Variants in KLF17 observed in about 807,000 individuals in gnomAD.
KLF17 encodes Krueppel-like factor 17.
Under a neutral mutation model 34.2 loss-of-function variants are expected in KLF17, and 31 were observed. The ratio of observed to expected loss-of-function variants is 0.91; its 90% CI spans 0.68 to 1.22. The LOEUF (loss-of-function observed/expected upper bound fraction) is 1.22. Among genes scored for constraint, KLF17 ranks in the 50% most tolerant of loss-of-function variants. The pLI is 0.00. For synonymous variants in KLF17, 179 were observed against 186.7 expected (o/e 0.96, Z 0.34); for missense variants, 478 against 505.2 (o/e 0.95, Z 0.52).
chr1:44,059,036 G>C, the KLF17 span, among the ~76,000 whole-genome samples: 1 of 152,250 alleles, frequency 6.6e-6, no homozygotes. Flanking sequence ...AGGTGTTGTT[G>C]AGTACACCTA....
chr1:44,122,116 A>C, intron 1 of KLF17: 2 of 1,284,144 alleles, frequency 1.6e-6, no homozygotes, highest in Non-Finnish European at 2.2e-6. Context: ...AATATCCCAA[A>C]TCCCGTATGA....
chr1:44,067,552 G>A, the KLF17 span, among the ~76,000 whole-genome samples: 1 of 152,214 alleles, frequency 6.6e-6, no homozygotes, highest in Non-Finnish European at 1.5e-5. Context: ...AAGCAAGTGT[G>A]TGGATACTGT....
At chr1:44,116,323 A>G (rs1339146004), upstream of KLF17, among the ~76,000 whole-genome samples, 3 of 152,138 alleles carry the variant, frequency 2.0e-5, no homozygotes, top group African/African-American at 7.2e-5. Context: ...CCCACTTGTT[A>G]TGATAGAGCA....
upstream of KLF17, among the ~76,000 whole-genome samples, chr1:44,118,221 G>A (rs1437769336): frequency 1.3e-5 from 2 of 152,182 alleles, no homozygotes; most frequent in Non-Finnish European, 2.9e-5. Flanking sequence ...TCCCGTATAA[G>A]ATGGAAATTG....
upstream of KLF17, chr1:44,115,537 T>G (rs1199434024): frequency 6.6e-6 from 1 of 151,864 alleles, no homozygotes; most frequent in African/African-American, 2.4e-5. Flanking sequence ...AACATTTTTG[T>G]TTGTTAAGTG....
upstream of KLF17, chr1:44,115,630 T>A (rs2087873274): frequency 6.6e-6 from 1 of 152,176 alleles, no homozygotes; most frequent in South Asian, 2.1e-4. Flanking sequence ...TCCTTTATAC[T>A]TGTTAATGGT....
chr1:44,053,460 G>T, the KLF17 span, among the ~76,000 whole-genome samples: 151 of 152,008 alleles, frequency 9.9e-4, 2 homozygotes, highest in East Asian at 0.02. Context: ...CCTAGTTCTG[G>T]GGGGGGAGGA....
the KLF17 span, among the ~76,000 whole-genome samples, chr1:44,097,072 G>C: frequency 6.6e-6 from 1 of 152,114 alleles, no homozygotes; most frequent in African/African-American, 2.4e-5. Context: ...TAACACCATT[G>C]ATTAAATAGG....
the KLF17 span, among the ~76,000 whole-genome samples, chr1:44,046,834 G>C: frequency 6.6e-6 from 1 of 152,066 alleles, no homozygotes; most frequent in African/African-American, 2.4e-5. Flanking sequence ...ACCAGCCTGG[G>C]CAATATGGTG....
chr1:44,129,277 TGG>T, intron 1 of KLF17, 74 bp from the exon 2 acceptor site: 1 of 1,456,446 alleles, frequency 6.9e-7, no homozygotes, highest in Non-Finnish European at 9.2e-7. Context: ...TGGATTAGGA[TGG>T]GGTCTGGGGA....
At chr1:44,087,641 T>C in the KLF17 span, among the ~76,000 whole-genome samples, 1 of 149,006 alleles carries the variant, frequency 6.7e-6, no homozygotes, top group African/African-American at 2.5e-5. Context: ...GTGAGGCTTG[T>C]GACATCTGCC....
chr1:44,083,677 C>T, the KLF17 span, among the ~76,000 whole-genome samples: 2 of 151,712 alleles, frequency 1.3e-5, no homozygotes, highest in African/African-American at 2.4e-5. Context: ...GCCTGTAGTT[C>T]CAGCCACTTG....
the KLF17 span, chr1:44,104,128 CT>C: frequency 9.6e-7 from 1 of 1,037,044 alleles, no homozygotes. Context: ...TCAGTCAGCC[CT>C]TCCAGGCCAG....
At position 44,121,399 on chromosome 1, in the gene KLF17, G is replaced by A. The variant is rs113996377; in HGVS notation, c.81+2411G>A. Among the ~76,000 whole-genome samples, 430 of 152,328 alleles carry A rather than the reference G, an allele frequency of 2.8e-3. 4 individuals carry two copies. Among genetic ancestry groups the A allele is most frequent in the African/African-American group, 9.8e-3 (409 of 41,566 alleles). The stretch of plus-strand genomic sequence containing the variant: ...CAAAGAGGTGGGATTACAGGCATGA[G>A]CCGCCACGCCCAGCCGATAATTCCT... On this transcript the variant is annotated intron_variant, in intron 1 of 3. Coordinates refer to ENST00000372299, the MANE Select transcript of KLF17 (RefSeq NM_173484.4).
chr1:44,084,522 T>A, the KLF17 span, among the ~76,000 whole-genome samples: 10 of 151,146 alleles, frequency 6.6e-5, no homozygotes, highest in Non-Finnish European at 1.0e-4. Flanking sequence ...ATTCAAAAAA[T>A]TTTGAAAGTT....
upstream of KLF17, among the ~76,000 whole-genome samples, chr1:44,116,652 C>T (rs1190907874): frequency 2.0e-5 from 3 of 152,192 alleles, no homozygotes; most frequent in African/African-American, 7.2e-5. Flanking sequence ...CAGTGACCTC[C>T]GTCTTGCCAA....
chr1:44,072,002 G>A, the KLF17 span, among the ~76,000 whole-genome samples: 7 of 151,786 alleles, frequency 4.6e-5, 1 homozygote, highest in South Asian at 8.3e-4. Flanking sequence ...GGGGGGGGAC[G>A]GGGGGACAAT....
At chr1:44,126,005 G>GT (rs533252968) in intron 1 of KLF17, among the ~76,000 whole-genome samples, 8 of 148,190 alleles carry the variant, frequency 5.4e-5, no homozygotes, top group South Asian at 4.3e-4. Flanking sequence ...GGAGGACAAG[G>GT]TTTTTTTTGT....
chr1:44,126,796 C>T (rs956125107), intron 1 of KLF17, among the ~76,000 whole-genome samples: 1 of 152,134 alleles, frequency 6.6e-6, no homozygotes, highest in Admixed American at 6.5e-5. Flanking sequence ...ATTACAGTCA[C>T]AAATGCTTCG....
Sources: allele counts gnomAD v4.1 joint callset (sites outside exome capture counted in the v4.1 genomes callset), GRCh38; gene constraint gnomAD v4.1.1; transcripts MANE v1.5; gene names NCBI Gene and HGNC (gene_info 2026-07-23, HGNC 2026-07-21).